The following WFDC9 variants were observed in gnomAD, a reference collection of about 807,000 sequenced individuals.
WFDC9 encodes the protein protein WFDC9.
In WFDC9, 9 loss-of-function variants were observed where a neutral mutation model predicts 9.5. The observed-to-expected ratio is 0.95, with a 90% CI of 0.57 to 1.65. The LOEUF (loss-of-function observed/expected upper bound fraction) is 1.65. WFDC9 is among the 40% of genes most tolerant of loss of function. WFDC9 has a pLI of 0.00. For synonymous variants in WFDC9, 33 were observed against 32.3 expected (o/e 1.02, Z -0.07); for missense variants, 87 against 106.7 (o/e 0.82, Z 0.81).
chr20:45,624,897 G>A (rs767383476), intron 1 of WFDC9, among the ~76,000 whole-genome samples: 1 of 152,044 alleles, frequency 6.6e-6, no homozygotes, highest in Non-Finnish European at 1.5e-5. Flanking sequence ...TTTGTGAATT[G>A]TCTGTTCAGA....
chr20:45,613,063 A>T (rs189649486), intron 2 of WFDC9, among the ~76,000 whole-genome samples: 4 of 152,378 alleles, frequency 2.6e-5, no homozygotes, highest in Admixed American at 2.6e-4. Context: ...TGTGGTAGCC[A>T]CTAGCCACTT....
intron 1 of WFDC9, among the ~76,000 whole-genome samples, chr20:45,618,997 C>T (rs1482717103): frequency 2.0e-5 from 3 of 152,012 alleles, no homozygotes; most frequent in Admixed American, 2.0e-4. Context: ...CACTGAGGGG[C>T]AGGAAGTATA....
At chr20:45,610,463 CAATA>C (rs1289891017) in intron 2 of WFDC9, among the ~76,000 whole-genome samples, 1 of 152,052 alleles carries the variant, frequency 6.6e-6, no homozygotes, top group Admixed American at 6.6e-5. Flanking sequence ...TGATTAAAAA[CAATA>C]AATCCTCAGA....
At chr20:45,626,544 T>C (rs1038492103) in intron 1 of WFDC9, among the ~76,000 whole-genome samples, 1 of 152,220 alleles carries the variant, frequency 6.6e-6, no homozygotes, top group African/African-American at 2.4e-5. Context: ...TATTTATTTG[T>C]AGCTGTTATA....
chr20:45,631,171 A>C, intron 1 of WFDC9, 32 bp downstream of exon 1: 2 of 806,084 alleles, frequency 2.5e-6, no homozygotes, highest in Admixed American at 8.0e-5. Flanking sequence ...GTCCCTGTCA[A>C]ATAAACCAGA....
chr20:45,614,077 G>T (rs6104246), intron 2 of WFDC9, among the ~76,000 whole-genome samples: 6,386 of 152,234 alleles, frequency 0.042, 298 homozygotes, highest in East Asian at 0.24. Flanking sequence ...GTTTTCCAGA[G>T]CTTTGAAATC....
intron 1 of WFDC9, chr20:45,630,814 G>C: frequency 2.7e-6 from 4 of 1,506,344 alleles, no homozygotes; most frequent in Non-Finnish European, 3.5e-6. Context: ...GCTTCAGCTT[G>C]AGAAAAATGT....
rs1045479310 is a variant in WFDC9, at chr20:45,631,224, T to C, written c.-174A>G. 1.1e-5 allele frequency: 5 copies of C among 457,236 alleles called. No homozygotes were observed. Among genetic ancestry groups the C allele is most frequent in the African/African-American group, 6.1e-5 (3 of 49,362 alleles). 28.3% of individuals were successfully genotyped at this position (457,236 alleles called of 1,614,324 possible). ...CTACCTCTTTTGCTGCCACTACAGATGATCATTGAGAGCTCACTGTGGCCC... is the reference window on the plus strand; with the variant it reads ...CTACCTCTTTTGCTGCCACTACAGACGATCATTGAGAGCTCACTGTGGCCC... On this transcript the variant is annotated 5_prime_UTR_variant, in exon 1 of 5. Coordinates refer to ENST00000326000, the MANE Select transcript of WFDC9 (RefSeq NM_147198.4).
chr20:45,621,453 A>G (rs989797590), intron 1 of WFDC9, among the ~76,000 whole-genome samples: 4 of 152,234 alleles, frequency 2.6e-5, no homozygotes, highest in African/African-American at 9.6e-5. Context: ...CTATCTTTAA[A>G]AGTCCTGCTT....
rs966448854 is a variant in WFDC9, at chr20:45,610,288, G to C, written c.-58-49C>G. 20 of 903,416 alleles carry C rather than the reference G, an allele frequency of 2.2e-5. No homozygotes were observed. The African/African-American group carries it at 3.0e-4, about 13-fold the overall frequency. The allele number at this position is 903,416 out of a possible 1,614,324, so 56.0% of individuals were successfully genotyped here. ...GAGGAGAACAGGGTAAGCAACAGGG[G>C]TAAAGTGCTTATGACTATCATGTTA... On this transcript the variant is annotated intron_variant, in intron 2 of 4. Transcript: ENST00000326000.
chr20:45,614,359 C>A (rs1326799542), intron 2 of WFDC9, among the ~76,000 whole-genome samples: 1 of 152,168 alleles, frequency 6.6e-6, no homozygotes. Context: ...AGACACAGAA[C>A]TACTGCTCTC....
intron 1 of WFDC9, among the ~76,000 whole-genome samples, chr20:45,630,285 A>G (rs997875447): frequency 2.0e-5 from 3 of 152,164 alleles, no homozygotes; most frequent in African/African-American, 7.2e-5. Flanking sequence ...GTGTAGGTGT[A>G]GAATGGGTAT....
chr20:45,630,393 G>A (rs572578708), intron 1 of WFDC9, among the ~76,000 whole-genome samples: 1 of 152,266 alleles, frequency 6.6e-6, no homozygotes, highest in South Asian at 2.1e-4. Flanking sequence ...GTGGTGGAAA[G>A]GGAACTAAAG....
chr20:45,628,803 C>A (rs1015847290), intron 1 of WFDC9, among the ~76,000 whole-genome samples: 6 of 152,170 alleles, frequency 3.9e-5, no homozygotes, highest in African/African-American at 1.4e-4. Context: ...AGGTTCAAAT[C>A]TTTAGAAGAT....
At chr20:45,614,440 C>G (rs1981929760) in intron 2 of WFDC9, among the ~76,000 whole-genome samples, 188 bp downstream of exon 2, 2 of 152,148 alleles carry the variant, frequency 1.3e-5, no homozygotes, top group African/African-American at 2.4e-5. Flanking sequence ...ATGCTGAAAT[C>G]TTTAGTTTCT....
At chr20:45,625,944 G>A (rs927249748) in intron 1 of WFDC9, among the ~76,000 whole-genome samples, 4 of 150,050 alleles carry the variant, frequency 2.7e-5, no homozygotes, top group Non-Finnish European at 5.9e-5. Flanking sequence ...AGCCTCCAGA[G>A]TAGAGTAGCT....
chr20:45,611,797 G>C (rs1477676360), intron 2 of WFDC9, among the ~76,000 whole-genome samples: 1 of 152,106 alleles, frequency 6.6e-6, no homozygotes, highest in Non-Finnish European at 1.5e-5. Flanking sequence ...CTCACTAAGG[G>C]TTAGGTTACA....
intron 1 of WFDC9, among the ~76,000 whole-genome samples, chr20:45,616,608 T>C (rs916200289): frequency 3.3e-5 from 5 of 152,220 alleles, no homozygotes; most frequent in Non-Finnish European, 7.3e-5. Flanking sequence ...CTATCTATGG[T>C]AGCTATAGCC....
intron 1 of WFDC9, among the ~76,000 whole-genome samples, chr20:45,630,485 TCTA>T (rs1270887498): frequency 6.6e-6 from 1 of 152,106 alleles, no homozygotes; most frequent in Non-Finnish European, 1.5e-5. Flanking sequence ...ATCTCTGAAT[TCTA>T]CTATTCAGAG....
Sources: gnomAD v4.1 joint callset for allele counts (sites outside exome capture counted in the v4.1 genomes callset) on GRCh38, gnomAD v4.1.1 for gene constraint, MANE v1.5 for transcripts, NCBI Gene and HGNC (gene_info 2026-07-23, HGNC 2026-07-21) for gene names.